Variants in SLC25A48 observed in about 807,000 individuals in gnomAD.
SLC25A48 encodes the protein solute carrier family 25 member 48.
A neutral mutation model predicts 32.2 loss-of-function variants in SLC25A48; 29 were observed. The observed-to-expected ratio is 0.90, with a 90% CI of 0.67 to 1.23. The LOEUF is 1.23. Ranked by LOEUF, SLC25A48 falls within the 50% of genes most tolerant of loss-of-function variation. The probability of loss-of-function intolerance (pLI) is 0.00; values close to 1 mark genes in which losing one functional copy is unlikely to be tolerated. For synonymous variants in SLC25A48, 164 were observed against 172.3 expected (o/e 0.95, Z 0.38); for missense variants, 399 against 422.7 (o/e 0.94, Z 0.49).
At chr5:135,641,389 G>C (rs1752833816) in intron 3 of SLC25A48, among the ~76,000 whole-genome samples, 1 of 152,336 alleles carries the variant, frequency 6.6e-6, no homozygotes, top group East Asian at 1.9e-4. Context: ...AGTCTTTTAA[G>C]TTTCACAGTT....
At chr5:135,873,348 GT>G (rs1323673933) in intron 5 of SLC25A48, among the ~76,000 whole-genome samples, 2 of 152,178 alleles carry the variant, frequency 1.3e-5, no homozygotes, top group African/African-American at 4.8e-5. Flanking sequence ...ACCTGGCATT[GT>G]TTTCCTAGAG....
chr5:135,815,436 A>G (rs1206910686), intron 4 of SLC25A48, among the ~76,000 whole-genome samples: 2 of 152,138 alleles, frequency 1.3e-5, no homozygotes, highest in African/African-American at 4.8e-5. Context: ...CCTGGTTCCT[A>G]AAAGGCCACA....
At chr5:135,759,285 T>G (rs1024545456) in intron 3 of SLC25A48, among the ~76,000 whole-genome samples, 1 of 152,172 alleles carries the variant, frequency 6.6e-6, no homozygotes, top group African/African-American at 2.4e-5. Flanking sequence ...TAACAAATGC[T>G]CTTGGAGACC....
At chr5:135,653,810 T>C (rs1024700646) in intron 3 of SLC25A48, 2 of 456,128 alleles carry the variant, frequency 4.4e-6, no homozygotes, top group African/African-American at 2.0e-5. Flanking sequence ...GAATATCTCA[T>C]TGACAGCGGG....
intron 1 of SLC25A48, among the ~76,000 whole-genome samples, chr5:135,598,530 C>G (rs942558131): frequency 2.0e-5 from 3 of 152,176 alleles, no homozygotes; most frequent in Non-Finnish European, 2.9e-5. Flanking sequence ...TTGCAGCCTG[C>G]AGGCTGGCTA....
At chr5:135,787,629 G>A (rs1756882261) in intron 3 of SLC25A48, among the ~76,000 whole-genome samples, 1 of 151,912 alleles carries the variant, frequency 6.6e-6, no homozygotes, top group South Asian at 2.1e-4. Flanking sequence ...CACAGGGAGT[G>A]TATACTCTGT....
chr5:135,870,422 T>G (rs1427449353), intron 4 of SLC25A48, among the ~76,000 whole-genome samples: 1 of 151,572 alleles, frequency 6.6e-6, no homozygotes, highest in Non-Finnish European at 1.5e-5. Flanking sequence ...AGCATCAGAG[T>G]GGGAGATGGG....
At chr5:135,829,493 T>C (rs560725970) in intron 4 of SLC25A48, among the ~76,000 whole-genome samples, 13 of 152,282 alleles carry the variant, frequency 8.5e-5, no homozygotes, top group African/African-American at 2.2e-4. Context: ...TTCAGACTTC[T>C]GTGGACCCAC....
At chr5:135,583,086 A>G (rs1317191492) in intron 1 of SLC25A48, among the ~76,000 whole-genome samples, 2 of 152,136 alleles carry the variant, frequency 1.3e-5, no homozygotes, top group East Asian at 3.8e-4. Context: ...TGTGGAGTAA[A>G]TAAAAACATG....
intron 3 of SLC25A48, among the ~76,000 whole-genome samples, chr5:135,803,297 G>C (rs1302582906): frequency 3.3e-5 from 5 of 151,496 alleles, no homozygotes; most frequent in Non-Finnish European, 7.4e-5. Flanking sequence ...TGTACACCTT[G>C]TGAGTACAAT....
At chr5:135,767,531 T>C (rs1253624819) in intron 3 of SLC25A48, among the ~76,000 whole-genome samples, 1 of 151,886 alleles carries the variant, frequency 6.6e-6, no homozygotes, top group East Asian at 1.9e-4. Context: ...ACTTTCAATA[T>C]CGTAAACACT....
intron 1 of SLC25A48, among the ~76,000 whole-genome samples, chr5:135,835,941 A>G (rs549947404): frequency 6.6e-6 from 1 of 152,136 alleles, no homozygotes; most frequent in Admixed American, 6.5e-5. Flanking sequence ...GTCTGTTGGC[A>G]CAGATGCCCT....
chr5:135,878,835 C>T (rs544365979), intron 6 of SLC25A48, among the ~76,000 whole-genome samples: 188 of 152,226 alleles, frequency 1.2e-3, no homozygotes, highest in Non-Finnish European at 2.0e-3. Flanking sequence ...TTTAGGTGGT[C>T]GTTTCTTACC....
intron 3 of SLC25A48, among the ~76,000 whole-genome samples, chr5:135,696,180 G>C (rs932687468): frequency 4.6e-5 from 7 of 152,238 alleles, no homozygotes; most frequent in Non-Finnish European, 1.0e-4. Flanking sequence ...AGTGTCAGCA[G>C]AATGCATTGC....
chr5:135,609,020 A>T (rs569704531), intron 1 of SLC25A48, among the ~76,000 whole-genome samples: 1 of 152,330 alleles, frequency 6.6e-6, no homozygotes, highest in South Asian at 2.1e-4. Context: ...CTGAGCTTCA[A>T]TTGGCATGAC....
chr5:135,777,792 G>A (rs907427423), intron 3 of SLC25A48, among the ~76,000 whole-genome samples: 1 of 151,284 alleles, frequency 6.6e-6, no homozygotes, highest in Admixed American at 6.6e-5. Context: ...TCCGGGGGGG[G>A]GGGGAATGTT....
chr5:135,729,462 G>A (rs1449680706), intron 3 of SLC25A48, among the ~76,000 whole-genome samples: 1 of 152,022 alleles, frequency 6.6e-6, no homozygotes, highest in African/African-American at 2.4e-5. Flanking sequence ...AATCCTCCAT[G>A]ATTGATTGCA....
chr5:135,767,949 T>C (rs1244858096), intron 3 of SLC25A48, among the ~76,000 whole-genome samples: 3 of 141,980 alleles, frequency 2.1e-5, no homozygotes, highest in Non-Finnish European at 4.5e-5. Flanking sequence ...ATATTGTTTG[T>C]AATATCCGGG....
intron 3 of SLC25A48, among the ~76,000 whole-genome samples, chr5:135,766,836 G>T (rs1026945667): frequency 2.0e-5 from 3 of 151,228 alleles, no homozygotes; most frequent in South Asian, 2.1e-4. Flanking sequence ...ACCATCTTGC[G>T]ATATATTTTG....
Sources: gnomAD v4.1 joint callset for allele counts (sites outside exome capture counted in the v4.1 genomes callset) on GRCh38, gnomAD v4.1.1 for gene constraint, MANE v1.5 for transcripts, NCBI Gene and HGNC (gene_info 2026-07-23, HGNC 2026-07-21) for gene names.